NLGN1: variants seen among roughly 807,000 people sequenced by gnomAD.
NLGN1 encodes the protein neuroligin-1.
A neutral mutation model predicts 65.5 loss-of-function variants in NLGN1; 12 were observed. That is an observed-to-expected ratio of 0.18 (90% CI 0.12 to 0.30). The LOEUF is 0.30. NLGN1 is among the 10% of genes least tolerant of loss of function. The pLI, the probability that NLGN1 is intolerant of heterozygous loss-of-function variation, is 1.00. For synonymous variants in NLGN1, 350 were observed against 359.5 expected (o/e 0.97, Z 0.30); for missense variants, 750 against 1,007.1 (o/e 0.74, Z 3.46).
intron 5 of NLGN1, 48 bp downstream of exon 5, chr3:174,275,575 AC>A: frequency 8.8e-7 from 1 of 1,132,070 alleles, no homozygotes; most frequent in Non-Finnish European, 1.3e-6. Context: ...TCTGCATGCC[AC>A]CACCATCAGT....
chr3:173,662,538 G>A (rs1190755500), intron 3 of NLGN1, among the ~76,000 whole-genome samples: 5 of 151,978 alleles, frequency 3.3e-5, no homozygotes. Context: ...AAGTATCTGT[G>A]TATTTCAAGA....
chr3:173,929,136 T>C (rs2152281097), intron 4 of NLGN1, among the ~76,000 whole-genome samples: 1 of 152,326 alleles, frequency 6.6e-6, no homozygotes, highest in East Asian at 1.9e-4. Flanking sequence ...ATTAGATATA[T>C]TCCATTTAAT....
At chr3:173,830,015 G>GC (rs1722206502) in intron 4 of NLGN1, among the ~76,000 whole-genome samples, 1 of 144,382 alleles carries the variant, frequency 6.9e-6, no homozygotes, top group African/African-American at 2.6e-5. Context: ...TGTGGGGGGG[G>GC]GAGGGAGAGA....
At chr3:173,606,848 A>G (rs1198020197) in intron 3 of NLGN1, among the ~76,000 whole-genome samples, 1 of 151,968 alleles carries the variant, frequency 6.6e-6, no homozygotes, top group Non-Finnish European at 1.5e-5. Context: ...GGTGTTTTAA[A>G]TGACTAAAAA....
intron 3 of NLGN1, among the ~76,000 whole-genome samples, chr3:173,645,110 G>T (rs1372690141): frequency 6.6e-6 from 1 of 152,214 alleles, no homozygotes; most frequent in Non-Finnish European, 1.5e-5. Flanking sequence ...CCTCTCATCT[G>T]GATTTAGTTG....
At chr3:174,217,772 A>G (rs970625086) in intron 4 of NLGN1, among the ~76,000 whole-genome samples, 2 of 152,038 alleles carry the variant, frequency 1.3e-5, no homozygotes, top group Admixed American at 6.6e-5. Flanking sequence ...GAAGGCACCT[A>G]GAATGAAGTC....
rs569255216 is a variant in NLGN1 at position 173,815,323 on chromosome 3, G to A, written c.646+7491G>A. On this transcript the variant is annotated intron_variant, in intron 4 of 6. Coordinates refer to ENST00000457714, the Ensembl canonical transcript of NLGN1. ...GGGGCTTCACCGTGTTAGCAAGGAT[G>A]GTCTCAATCTCCTGACCTCGTGATC... is the stretch of plus-strand genomic sequence containing the variant. Among the ~76,000 whole-genome samples, 29 of 152,072 alleles carry A rather than the reference G, an allele frequency of 1.9e-4. No homozygotes were observed. In the South Asian group the frequency reaches 5.8e-3, roughly 31 times the overall value.
chr3:173,697,615 C>T (rs1236209235), intron 3 of NLGN1, among the ~76,000 whole-genome samples: 3 of 152,064 alleles, frequency 2.0e-5, no homozygotes, highest in Admixed American at 2.0e-4. Flanking sequence ...GCAACCTCTG[C>T]CTCCCGGGTT....
chr3:173,587,209 G>GA (rs2149384600), intron 2 of NLGN1, among the ~76,000 whole-genome samples: 1 of 152,220 alleles, frequency 6.6e-6, no homozygotes, highest in South Asian at 2.1e-4. Context: ...ATTTCTGTCA[G>GA]AATAAACAAT....
chr3:173,580,601 C>T (rs1746241472), intron 2 of NLGN1, among the ~76,000 whole-genome samples: 1 of 151,890 alleles, frequency 6.6e-6, no homozygotes, highest in African/African-American at 2.4e-5. Context: ...TGTTTCTATC[C>T]TCTCTGTCAG....
At chr3:173,573,922 G>C (rs1413714798) in intron 2 of NLGN1, among the ~76,000 whole-genome samples, 2 of 151,512 alleles carry the variant, frequency 1.3e-5, no homozygotes, top group African/African-American at 4.8e-5. Context: ...AATTAGCCGG[G>C]CGTGGTAGCG....
chr3:174,083,826 A>G (rs1742737310), intron 4 of NLGN1, among the ~76,000 whole-genome samples: 1 of 152,100 alleles, frequency 6.6e-6, no homozygotes, highest in African/African-American at 2.4e-5. Flanking sequence ...GGCCATTGGA[A>G]ACAGTCTCTC....
downstream of NLGN1, among the ~76,000 whole-genome samples, chr3:174,288,606 C>A (rs1752396123): frequency 6.6e-6 from 1 of 151,272 alleles, no homozygotes; most frequent in Admixed American, 6.6e-5. Flanking sequence ...AGCAAAAAAT[C>A]CCACTTGAAA....
intron 4 of NLGN1, among the ~76,000 whole-genome samples, chr3:173,877,346 T>C (rs1336483017): frequency 6.6e-6 from 1 of 152,142 alleles, no homozygotes; most frequent in African/African-American, 2.4e-5. Context: ...CCATGAAATT[T>C]CTGGCCATTA....
chr3:174,287,495 T>C (rs1045942947), downstream of NLGN1, among the ~76,000 whole-genome samples: 1 of 151,602 alleles, frequency 6.6e-6, no homozygotes, highest in Non-Finnish European at 1.5e-5. Context: ...TTTGGTGTTG[T>C]TTGATATGAT....
intron 2 of NLGN1, among the ~76,000 whole-genome samples, chr3:173,600,588 A>AACCTTTTTTTTTTTTTTTTTTTTTTTT (rs1560029121): frequency 7.8e-6 from 1 of 128,686 alleles, no homozygotes; most frequent in African/African-American, 2.7e-5. Context: ...AAATAAAAAC[A>AACCTTTTTTTTTTTTTTTTTTTTTTTT]TATCTTTTTT....
intron 4 of NLGN1, among the ~76,000 whole-genome samples, chr3:173,821,975 C>A (rs1720402909): frequency 6.6e-6 from 1 of 152,042 alleles, no homozygotes; most frequent in South Asian, 2.1e-4. Flanking sequence ...AAATAATTCT[C>A]AAAATATTTT....
At chr3:173,722,906 A>G (rs1001086640) in intron 3 of NLGN1, among the ~76,000 whole-genome samples, 99 of 152,226 alleles carry the variant, frequency 6.5e-4, no homozygotes, top group African/African-American at 2.3e-3. Context: ...AAGAAAAATA[A>G]AAATATAAAA....
intron 3 of NLGN1, among the ~76,000 whole-genome samples, chr3:173,647,021 AG>A (rs758066408): frequency 1.1e-4 from 16 of 152,190 alleles, no homozygotes; most frequent in Non-Finnish European, 2.2e-4. Context: ...ATTACTCAAA[AG>A]AAAGCCAGAA....
Sources: allele counts gnomAD v4.1 joint callset (sites outside exome capture counted in the v4.1 genomes callset), GRCh38; gene constraint gnomAD v4.1.1; transcripts MANE v1.5; gene names NCBI Gene and HGNC (gene_info 2026-07-23, HGNC 2026-07-21).